Variants in BCL2L12 observed in about 807,000 individuals in gnomAD.
BCL2L12 encodes BCL2 like 12.
Under a neutral mutation model 25.7 loss-of-function variants are expected in BCL2L12, and 27 were observed. That is an observed-to-expected ratio of 1.05 (90% CI 0.78 to 1.45). The LOEUF is 1.45. Among genes scored for constraint, BCL2L12 ranks in the 40% most tolerant of loss-of-function variants. The pLI is 0.00. For synonymous variants in BCL2L12, 132 were observed against 145.6 expected (o/e 0.91, Z 0.67); for missense variants, 302 against 329.8 (o/e 0.92, Z 0.65).
At chr19:49,666,932 C>T in intron 2 of BCL2L12, 87 bp from the exon 3 acceptor site, 1 of 1,548,984 alleles carries the variant, frequency 6.5e-7, no homozygotes, top group Non-Finnish European at 8.7e-7. Context: ...GGAGAGAGGT[C>T]CTCAGCGGGG....
upstream of BCL2L12, chr19:49,665,843 T>G (rs1456347144): frequency 1.3e-6 from 2 of 1,598,562 alleles, no homozygotes; most frequent in East Asian, 4.5e-5. Context: ...CCCGCTGGGC[T>G]GTTCCCGCCC....
chr19:49,665,153 C>G, upstream of BCL2L12: 2 of 340,188 alleles, frequency 5.9e-6, no homozygotes, highest in Non-Finnish European at 1.1e-5. Flanking sequence ...AGTAAGTATC[C>G]CCACTTTCAG....
At position 49,673,746 on chromosome 19, in the gene BCL2L12, T is replaced by G; in HGVS notation, c.751T>G (p.Ter251GlyextTer43). 3 of 1,614,202 alleles carry G rather than the reference T, an allele frequency of 1.9e-6. No homozygotes were observed. Among genetic ancestry groups the G allele is most frequent in the Non-Finnish European group, 2.5e-6 (3 of 1,180,016 alleles). Residue 251 changes from the stop codon to glycine (G), a stop_lost, in exon 7 of 7, where the codon TGA (stop) becomes GGA (glycine). Coordinates refer to ENST00000246784, the MANE Select transcript of BCL2L12 (RefSeq NM_138639.2). ...SPVDLNLPLD[*>G] is the part of the protein sequence containing the mutation. ...CGTGGACTTGAACTTGCCATTGGACTGAGCTCTTTCTCAGAAGCTGCTACA... is the reference window on the plus strand; with the variant it reads ...CGTGGACTTGAACTTGCCATTGGACGGAGCTCTTTCTCAGAAGCTGCTACA...
intron 6 of BCL2L12, 96 bp downstream of exon 6, chr19:49,670,584 A>G (rs1312606921): frequency 6.9e-7 from 1 of 1,454,630 alleles, no homozygotes; most frequent in Non-Finnish European, 9.1e-7. Context: ...CTCAGACCTC[A>G]GGTATTCTCC....
chr19:49,673,015 C>T (rs532919010), intron 6 of BCL2L12, among the ~76,000 whole-genome samples: 8 of 152,288 alleles, frequency 5.3e-5, no homozygotes, highest in Admixed American at 1.3e-4. Context: ...TACAGGCGCA[C>T]ACCACCATGT....
chr19:49,665,515 G>A (rs1219023993), upstream of BCL2L12: 3 of 293,876 alleles, frequency 1.0e-5, no homozygotes, highest in African/African-American at 2.1e-5. Flanking sequence ...CTCCTTCCTT[G>A]CTCCACTTTC....
At position 49,670,409 on chromosome 19, in the gene BCL2L12, G is replaced by C. The variant is rs2081936023; in HGVS notation, c.623G>C (p.Gly208Ala). The change falls in exon 6 of 7, where the codon GGG becomes GCG. Residue 208 changes from glycine to alanine, a missense_variant. Physicochemically the swap from Gly to Ala is moderately conservative, Grantham distance 60. Coordinates refer to ENST00000246784, the MANE Select transcript of BCL2L12 (RefSeq NM_138639.2). ...ATGGAGCTGAGCCGGCGCGTGGCCG[G>C]GCTGGGGGGCACCCTGGCCGGACTC... is the stretch of plus-strand genomic sequence containing the variant. ...LAMELSRRVA[G>A]LGGTLAGLSV... is the part of the protein sequence containing the mutation. The C allele has an allele frequency of 6.5e-7, 1 of 1,545,130 alleles. No homozygotes were observed. The highest frequency in any genetic ancestry group is 8.7e-7 in the Non-Finnish European group (1 of 1,149,220).
At chr19:49,671,765 G>GC (rs2081965906) in intron 6 of BCL2L12, among the ~76,000 whole-genome samples, 2 of 152,142 alleles carry the variant, frequency 1.3e-5, no homozygotes, top group African/African-American at 4.8e-5. Flanking sequence ...AGGTTATATG[G>GC]CTACCTGCTG....
At chr19:49,669,338 C>T (rs2081900922) in intron 5 of BCL2L12, among the ~76,000 whole-genome samples, 1 of 151,982 alleles carries the variant, frequency 6.6e-6, no homozygotes, top group Non-Finnish European at 1.5e-5. Flanking sequence ...GAGTTCGAGA[C>T]CAGCCTGGCC....
At chr19:49,665,798 T>C, upstream of BCL2L12, 1 of 1,573,008 alleles carries the variant, frequency 6.4e-7, no homozygotes, top group African/African-American at 1.4e-5. Flanking sequence ...ACTTTATCAT[T>C]CTTTGGGTAA....
chr19:49,672,594 T>C lies in BCL2L12; in HGVS notation c.703-1104T>C, dbSNP rs937594821. 6.6e-6 allele frequency among the ~76,000 whole-genome samples: 1 copy of C among 151,848 alleles called. No individual in the cohort carries two copies. The highest frequency in any genetic ancestry group is 1.5e-5 in the Non-Finnish European group (1 of 67,934). ...AGGAGGTGAGTGGATCTCACCCAAG[T>C]CGGGGGCGGTGGAGAATGCTGGATT... On this transcript the variant is annotated intron_variant, in intron 6 of 6. Transcript: ENST00000246784. This position sits in a 1 kb window ranked among gnomAD's most constrained non-coding sequence, Gnocchi z 4.1.
Position 49,673,889 on chromosome 19 carries a change from C to A in BCL2L12, c.*141C>A. The stretch of plus-strand genomic sequence containing the variant: ...TTTGCCAAAAATAAATTGTTTAAAA[C>A]TTTTCTTATTAAAAACGTTACAAAG... On this transcript the variant is annotated 3_prime_UTR_variant, in exon 7 of 7. Transcript: ENST00000246784. 1 of 899,058 alleles carries A rather than the reference C, an allele frequency of 1.1e-6. No individual in the cohort carries two copies. Among genetic ancestry groups the A allele is most frequent in the Non-Finnish European group, 1.7e-6 (1 of 598,708 alleles). The allele number at this position is 899,058 out of a possible 1,614,324, so 55.7% of individuals were successfully genotyped here.
chr19:49,670,545 G>A lies in BCL2L12; in HGVS notation c.702+57G>A, dbSNP rs780455156. Reference sequence around the variant, plus strand: ...CACTTTACCTAACTGTCATGTGATAGAGGAGGGGCGGGGACTTCTTAGGTT... The same window carrying A: ...CACTTTACCTAACTGTCATGTGATAAAGGAGGGGCGGGGACTTCTTAGGTT... On this transcript the variant is annotated intron_variant, in intron 6 of 6. Coordinates refer to ENST00000246784, the MANE Select transcript of BCL2L12 (RefSeq NM_138639.2). 973 of 1,514,582 alleles carry A rather than the reference G, an allele frequency of 6.4e-4. 1 individual carries two copies. Among genetic ancestry groups the A allele is most frequent in the Non-Finnish European group, 7.9e-4 (904 of 1,138,994 alleles). The allele number at this position is 1,514,582 out of a possible 1,614,324, so 93.8% of individuals were successfully genotyped here. A position where few individuals can be genotyped will look rare whatever the true frequency, so the allele number is the denominator to read the frequency against.
intron 6 of BCL2L12, among the ~76,000 whole-genome samples, chr19:49,671,212 C>T (rs2081955609): frequency 6.6e-6 from 1 of 151,138 alleles, no homozygotes; most frequent in South Asian, 2.1e-4. Context: ...CCTGTAATCC[C>T]AGCACTTTGG....
At chr19:49,671,129 TC>T (rs892879612) in intron 6 of BCL2L12, among the ~76,000 whole-genome samples, 1 of 151,476 alleles carries the variant, frequency 6.6e-6, no homozygotes, top group Non-Finnish European at 1.5e-5. Context: ...GCCACTGCAC[TC>T]CAGCCTGGGC....
chr19:49,665,605 C>T, upstream of BCL2L12: 1 of 578,686 alleles, frequency 1.7e-6, no homozygotes, highest in Non-Finnish European at 3.0e-6. Context: ...ACGCCACCAA[C>T]GCTCTCCCGG....
intron 6 of BCL2L12, among the ~76,000 whole-genome samples, chr19:49,671,043 T>TC (rs1221464092): frequency 4.6e-5 from 7 of 152,076 alleles, no homozygotes; most frequent in African/African-American, 1.7e-4. Flanking sequence ...GTGCCTGTAA[T>TC]CCCAGCTACC....
At position 49,665,954 on chromosome 19, in the gene BCL2L12, A is replaced by C. The variant is rs902883580; in HGVS notation, c.-122A>C. ...CCGCCCTTTCTACGCTGGGCCGGTT[A>C]TCGACCCGGCCCAGTGCGCAGGCGC... On this transcript the variant is annotated 5_prime_UTR_variant, in exon 1 of 7. Coordinates refer to ENST00000246784, the MANE Select transcript of BCL2L12 (RefSeq NM_138639.2). The C allele has an allele frequency of 6.2e-7, 1 of 1,613,446 alleles. No individual in the cohort carries two copies. The highest frequency in any genetic ancestry group is 1.3e-5 in the African/African-American group (1 of 74,930).
chr19:49,665,975 G>A lies in BCL2L12; in HGVS notation c.-101G>A. 1 of 1,612,426 alleles carries A rather than the reference G, an allele frequency of 6.2e-7. No homozygotes were observed. Among genetic ancestry groups the A allele is most frequent in the Non-Finnish European group, 8.5e-7 (1 of 1,179,196 alleles). On this transcript the variant is annotated 5_prime_UTR_variant, in exon 1 of 7. Transcript: ENST00000246784. ...GGTTATCGACCCGGCCCAGTGCGCAGGCGCGGGAAAGTTGAACTAATAAAG... is the reference window on the plus strand; with the variant it reads ...GGTTATCGACCCGGCCCAGTGCGCAAGCGCGGGAAAGTTGAACTAATAAAG...
Sources: allele counts gnomAD v4.1 joint callset (sites outside exome capture counted in the v4.1 genomes callset), GRCh38; gene constraint gnomAD v4.1.1; non-coding constraint Gnocchi (gnomAD v3.1); transcripts MANE v1.5; gene names NCBI Gene and HGNC (gene_info 2026-07-23, HGNC 2026-07-21).